Variants in FBXL2 observed in about 807,000 individuals in gnomAD.
FBXL2 encodes F-box and leucine rich repeat protein 2, also known as F-box/LRR-repeat protein 2.
FBXL2 carries 38 observed loss-of-function variants against 69.2 expected under a neutral mutation model. The ratio of observed to expected loss-of-function variants is 0.55; its 90% CI spans 0.42 to 0.72. The LOEUF (loss-of-function observed/expected upper bound fraction) is 0.72. Ranked by LOEUF, FBXL2 falls within the 30% of genes least tolerant of loss-of-function variation. FBXL2 has a pLI of 0.00. For synonymous variants in FBXL2, 192 were observed against 201.3 expected (o/e 0.95, Z 0.39); for missense variants, 354 against 520.3 (o/e 0.68, Z 3.11).
intron 5 of FBXL2, among the ~76,000 whole-genome samples, chr3:33,369,803 G>C (rs951423963): frequency 6.6e-6 from 1 of 151,906 alleles, no homozygotes; most frequent in Non-Finnish European, 1.5e-5. Flanking sequence ...AGTAGAGACA[G>C]AGTTTTGCCC....
intron 2 of FBXL2, among the ~76,000 whole-genome samples, chr3:33,341,339 C>T (rs2039999980): frequency 1.3e-5 from 2 of 152,074 alleles, no homozygotes; most frequent in South Asian, 4.1e-4. Flanking sequence ...CAACAAATAA[C>T]TTGCATGGGG....
chr3:33,400,110 T>C lies in FBXL2; in HGVS notation n.1215-3124T>C. 4 of 983,198 alleles carry C rather than the reference T, an allele frequency of 4.1e-6. No homozygotes were observed. The South Asian group carries it at 1.1e-4, about 27-fold the overall frequency. The allele number at this position is 983,198 out of a possible 1,614,324, so 60.9% of individuals were successfully genotyped here. A position where few individuals can be genotyped will look rare whatever the true frequency, so the allele number is the denominator to read the frequency against. On this transcript the variant is annotated intron_variant and non_coding_transcript_variant, in intron 12 of 12. Transcript: ENST00000463736. Reference sequence around the variant, plus strand: ...CCTATCCATAGTTATTTCAAAATTTTAAAAATATAAAGTTAATAAAAGCAC... The same window carrying C: ...CCTATCCATAGTTATTTCAAAATTTCAAAAATATAAAGTTAATAAAAGCAC...
At chr3:33,336,120 A>G (rs2039557955) in intron 2 of FBXL2, among the ~76,000 whole-genome samples, 1 of 152,224 alleles carries the variant, frequency 6.6e-6, no homozygotes, top group Non-Finnish European at 1.5e-5. Context: ...GGAAATAGAA[A>G]TGTCCTAGAA....
intron 2 of FBXL2, among the ~76,000 whole-genome samples, chr3:33,317,319 C>G (rs2037794323): frequency 6.6e-6 from 1 of 152,170 alleles, no homozygotes; most frequent in African/African-American, 2.4e-5. Flanking sequence ...ACTTACACCT[C>G]AACCTCAAGA....
At chr3:33,374,478 G>T (rs751653031) in intron 9 of FBXL2, among the ~76,000 whole-genome samples, 1 of 152,146 alleles carries the variant, frequency 6.6e-6, no homozygotes, top group African/African-American at 2.4e-5. Flanking sequence ...AGGTTTTCAA[G>T]GGGAACATAG....
intron 12 of FBXL2, chr3:33,401,054 A>G (rs774345102): frequency 6.4e-7 from 1 of 1,553,144 alleles, no homozygotes; most frequent in African/African-American, 1.4e-5. Context: ...GATGATTTTT[A>G]TAATACATAT....
chr3:33,311,697 T>C (rs1326260181), intron 2 of FBXL2, among the ~76,000 whole-genome samples: 1 of 152,172 alleles, frequency 6.6e-6, no homozygotes, highest in Non-Finnish European at 1.5e-5. Context: ...CTATTTCGGC[T>C]CACTGCAACC....
intron 2 of FBXL2, chr3:33,317,356 C>T (rs764919862): frequency 5.8e-5 from 24 of 412,814 alleles, no homozygotes; most frequent in Non-Finnish European, 1.1e-4. Context: ...CATTCATTCA[C>T]TGCATCCAAT....
chr3:33,282,298 T>C (rs2034104765), intron 1 of FBXL2, among the ~76,000 whole-genome samples: 1 of 152,212 alleles, frequency 6.6e-6, no homozygotes, highest in Non-Finnish European at 1.5e-5. Context: ...ATTTATTAAA[T>C]AGGGAATCCT....
At position 33,319,487 on chromosome 3, in the gene FBXL2, C is replaced by T. The variant is rs1351649563; in HGVS notation, c.65+21762C>T. ...CTTCATTTAACAGCTACTTCCTGAA[C>T]ACCACTGTGCTTAGAATGTTGAATT... is the stretch of plus-strand genomic sequence containing the variant. On this transcript the variant is annotated intron_variant, in intron 2 of 14. Coordinates refer to ENST00000484457, the MANE Select transcript of FBXL2 (RefSeq NM_012157.5). 2.0e-5 allele frequency among the ~76,000 whole-genome samples: 3 copies of T among 152,164 alleles called. No homozygotes were observed. The South Asian group carries it at 6.2e-4, about 32-fold the overall frequency.
downstream of FBXL2, among the ~76,000 whole-genome samples, chr3:33,407,276 T>G (rs543335157): frequency 9.2e-5 from 14 of 152,260 alleles, no homozygotes; most frequent in Admixed American, 7.2e-4. Flanking sequence ...CATTAAGAAT[T>G]TACCAACAGT....
chr3:33,287,943 G>T (rs6777187), intron 1 of FBXL2, among the ~76,000 whole-genome samples: 60,370 of 151,272 alleles, frequency 0.4, 13,381 homozygotes, highest in East Asian at 0.6. Context: ...GATTTACTGG[G>T]TTTTTTTTTG....
intron 1 of FBXL2, among the ~76,000 whole-genome samples, chr3:33,281,113 G>T (rs911339118): frequency 7.2e-5 from 11 of 151,978 alleles, no homozygotes; most frequent in Non-Finnish European, 1.3e-4. Flanking sequence ...GGTTTGTTAC[G>T]TATGTATACA....
At chr3:33,365,055 T>C (rs2041864601) in intron 5 of FBXL2, among the ~76,000 whole-genome samples, 1 of 152,216 alleles carries the variant, frequency 6.6e-6, no homozygotes, top group South Asian at 2.1e-4. Flanking sequence ...TATTCCCTTC[T>C]TCACTTCGGC....
chr3:33,369,296 C>T (rs896572783), intron 5 of FBXL2, among the ~76,000 whole-genome samples: 1 of 152,120 alleles, frequency 6.6e-6, no homozygotes, highest in Non-Finnish European at 1.5e-5. Context: ...AAATGATCTG[C>T]CCACCTCAGC....
rs539033164 is a variant in FBXL2 at position 33,384,763 on chromosome 3, G to T, written c.1164+562G>T. ...CTTATAAGAAAGCCTATGTTGGGAT[G>T]GGCGCGGTGGCTCACGACTCTAATC... is the stretch of plus-strand genomic sequence containing the variant. On this transcript the variant is annotated intron_variant, in intron 14 of 14. Coordinates refer to ENST00000484457, the MANE Select transcript of FBXL2 (RefSeq NM_012157.5). 2.0e-5 allele frequency among the ~76,000 whole-genome samples: 3 copies of T among 152,256 alleles called. No homozygotes were observed. In the East Asian group the frequency reaches 5.8e-4, roughly 29 times the overall value.
chr3:33,288,636 A>G (rs758779182), intron 1 of FBXL2, among the ~76,000 whole-genome samples: 11 of 152,248 alleles, frequency 7.2e-5, no homozygotes, highest in Non-Finnish European at 1.3e-4. Context: ...CGAGGCAAGA[A>G]CATGCCTGGT....
At chr3:33,290,105 A>T (rs1001931484) in intron 1 of FBXL2, among the ~76,000 whole-genome samples, 2 of 152,194 alleles carry the variant, frequency 1.3e-5, no homozygotes, top group African/African-American at 4.8e-5. Flanking sequence ...GAGAGGAGGG[A>T]AGATATCTCA....
intron 1 of FBXL2, among the ~76,000 whole-genome samples, chr3:33,282,008 C>G (rs1230032032): frequency 6.6e-6 from 1 of 152,162 alleles, no homozygotes; most frequent in Non-Finnish European, 1.5e-5. Flanking sequence ...CCTGTTCACT[C>G]TGATTGTAGT....
Sources: gnomAD v4.1 joint callset for allele counts (sites outside exome capture counted in the v4.1 genomes callset) on GRCh38, gnomAD v4.1.1 for gene constraint, MANE v1.5 for transcripts, NCBI Gene and HGNC (gene_info 2026-07-23, HGNC 2026-07-21) for gene names.